DDHD1: variants seen among roughly 807,000 people sequenced by gnomAD.
The protein encoded by DDHD1 is phospholipase DDHD1.
In DDHD1, 49 loss-of-function variants were observed where a neutral mutation model predicts 96.4. The ratio of observed to expected loss-of-function variants is 0.51; its 90% CI spans 0.40 to 0.64. The LOEUF (loss-of-function observed/expected upper bound fraction) is 0.64, where lower values mean the gene tolerates loss of function less well. DDHD1 is among the 30% of genes least tolerant of loss of function. DDHD1 has a pLI of 0.00. For missense variants in DDHD1, 1,106 were observed against 1,161.2 expected, an observed-to-expected ratio of 0.95 and a Z score of 0.69; for synonymous variants, 442 against 446.5, an observed-to-expected ratio of 0.99 and a Z score of 0.13.
chr14:53,142,106 T>C (rs1036111846), intron 1 of DDHD1, among the ~76,000 whole-genome samples: 5 of 152,174 alleles, frequency 3.3e-5, no homozygotes, highest in Non-Finnish European at 7.4e-5. Flanking sequence ...ATGATCCCCA[T>C]TTACAAAGGA....
chr14:53,081,230 T>C (rs1885443960), intron 4 of DDHD1, among the ~76,000 whole-genome samples: 1 of 152,240 alleles, frequency 6.6e-6, no homozygotes, highest in African/African-American at 2.4e-5. Flanking sequence ...GTTCCTTTTT[T>C]ACATCAGATA....
intron 2 of DDHD1, 95 bp from the exon 3 acceptor site, chr14:53,093,539 A>T (rs1886618485): frequency 6.7e-7 from 1 of 1,499,306 alleles, no homozygotes; most frequent in African/African-American, 1.4e-5. Context: ...TCAATATGTT[A>T]TCTAAAAAAC....
intron 1 of DDHD1, among the ~76,000 whole-genome samples, chr14:53,145,276 G>A (rs1245401491): frequency 2.0e-5 from 3 of 151,886 alleles, no homozygotes; most frequent in African/African-American, 7.3e-5. Flanking sequence ...AGGCAGGAGG[G>A]CTGCTTGAGC....
intron 1 of DDHD1, among the ~76,000 whole-genome samples, chr14:53,116,135 T>A (rs1888525819): frequency 6.6e-6 from 1 of 152,164 alleles, no homozygotes; most frequent in African/African-American, 2.4e-5. Context: ...AGAAGGACAT[T>A]ACATAATGGT....
At chr14:53,093,225 C>A in intron 3 of DDHD1, 91 bp downstream of exon 3, 1 of 1,352,428 alleles carries the variant, frequency 7.4e-7, no homozygotes, top group Non-Finnish European at 9.8e-7. Flanking sequence ...TTAAAACATA[C>A]TAAAAACAGA....
At chr14:53,136,001 C>T (rs1400202379) in intron 1 of DDHD1, among the ~76,000 whole-genome samples, 1 of 152,180 alleles carries the variant, frequency 6.6e-6, no homozygotes, top group African/African-American at 2.4e-5. Context: ...GTGAAAATAG[C>T]CTTAACTGAT....
intron 1 of DDHD1, among the ~76,000 whole-genome samples, chr14:53,140,584 C>T (rs908508954): frequency 8.6e-5 from 13 of 151,524 alleles, no homozygotes; most frequent in African/African-American, 2.4e-4. Context: ...TAGACAAATA[C>T]GAAAAAGTAT....
chr14:53,113,252 G>A (rs1451520965), intron 1 of DDHD1, among the ~76,000 whole-genome samples: 1 of 151,790 alleles, frequency 6.6e-6, no homozygotes, highest in Non-Finnish European at 1.5e-5. Context: ...ACAGGCATAT[G>A]CCACGACGCC....
At position 53,061,201 on chromosome 14, in the gene DDHD1, C is replaced by T. The variant is rs753565327; in HGVS notation, c.1767G>A (p.Arg589=). 22 of 1,608,978 alleles carry T rather than the reference C, an allele frequency of 1.4e-5. No homozygotes were observed. Among genetic ancestry groups the T allele is most frequent in the African/African-American group, 2.7e-5 (2 of 74,612 alleles). Residue 589 remains arginine, a splice_region_variant and synonymous_variant, in exon 8 of 13, where the codon CGG becomes CGA. Transcript: ENST00000673822. The stretch of plus-strand genomic sequence containing the variant: ...GAAGCCGTTCTTCTATTTCCTTCAG[C>T]CTAAGAAGGGGTATGAGATTATATA... ...LLDELYITKR[R]LKEIEERLHG... is the part of the protein sequence containing the mutation.
chr14:53,136,252 C>T (rs1274919099), intron 1 of DDHD1, among the ~76,000 whole-genome samples: 8 of 152,186 alleles, frequency 5.3e-5, no homozygotes, highest in Non-Finnish European at 1.0e-4. Flanking sequence ...CCCGCCTGCA[C>T]CCAGGTGAAA....
At chr14:53,058,116 G>A (rs1462295859) in intron 9 of DDHD1, among the ~76,000 whole-genome samples, 1 of 152,124 alleles carries the variant, frequency 6.6e-6, no homozygotes, top group Non-Finnish European at 1.5e-5. Flanking sequence ...GGGATTACAG[G>A]CATGAGCACC....
intron 1 of DDHD1, among the ~76,000 whole-genome samples, chr14:53,152,031 G>T (rs1245855457): frequency 6.6e-6 from 1 of 152,180 alleles, no homozygotes; most frequent in Non-Finnish European, 1.5e-5. Flanking sequence ...CCCAGGAGGC[G>T]CTACCCCCGA....
rs1253831504 is a variant in DDHD1, at chr14:53,152,250, C to T, written c.838+11G>A. Reference sequence around the variant, plus strand: ...CAGCCCGTCCTGCCCTAACCCCGGCCCGCTACTCACGGTTCCAGTACACCG... The same window carrying T: ...CAGCCCGTCCTGCCCTAACCCCGGCTCGCTACTCACGGTTCCAGTACACCG... On this transcript the variant is annotated intron_variant, in intron 1 of 12. Coordinates refer to ENST00000673822, the MANE Select transcript of DDHD1 (RefSeq NM_001160148.2). 7 of 1,589,376 alleles carry T rather than the reference C, an allele frequency of 4.4e-6. No homozygotes were observed. The highest frequency in any genetic ancestry group is 2.2e-5 in the East Asian group (1 of 44,574).
chr14:53,136,793 T>A (rs1890270304), intron 1 of DDHD1, among the ~76,000 whole-genome samples: 1 of 152,212 alleles, frequency 6.6e-6, no homozygotes. Context: ...AAAGAAAGCC[T>A]TGGTAGAACA....
intron 1 of DDHD1, among the ~76,000 whole-genome samples, chr14:53,145,887 T>C (rs1168148483): frequency 6.6e-6 from 1 of 152,198 alleles, no homozygotes; most frequent in East Asian, 1.9e-4. Flanking sequence ...TATCTAGAGA[T>C]AGCTTAATGT....
intron 8 of DDHD1, among the ~76,000 whole-genome samples, chr14:53,060,247 T>C (rs893667862): frequency 6.6e-6 from 1 of 152,212 alleles, no homozygotes; most frequent in African/African-American, 2.4e-5. Context: ...GCAAGTTATT[T>C]GTTATTCAGC....
At chr14:53,094,902 T>C (rs28668943) in intron 2 of DDHD1, among the ~76,000 whole-genome samples, 5,111 of 151,700 alleles carry the variant, frequency 0.034, 299 homozygotes, top group African/African-American at 0.11. Context: ...ATATGCTTGG[T>C]GAAAATGAGG....
intron 4 of DDHD1, among the ~76,000 whole-genome samples, chr14:53,089,578 T>C (rs1012623154): frequency 6.6e-6 from 1 of 152,158 alleles, no homozygotes; most frequent in East Asian, 1.9e-4. Context: ...GATTCCCTAT[T>C]TAATAAATGA....
chr14:53,150,730 A>C (rs1053641545), intron 1 of DDHD1, among the ~76,000 whole-genome samples: 6 of 152,244 alleles, frequency 3.9e-5, no homozygotes, highest in Non-Finnish European at 8.8e-5. Flanking sequence ...AGTCATTTGA[A>C]GGAAACACCG....
Sources: gnomAD v4.1 joint callset for allele counts (sites outside exome capture counted in the v4.1 genomes callset) on GRCh38, gnomAD v4.1.1 for gene constraint, MANE v1.5 for transcripts, NCBI Gene and HGNC (gene_info 2026-07-23, HGNC 2026-07-21) for gene names.